Variants in KIRREL3 observed in about 807,000 individuals in gnomAD.
KIRREL3 encodes the protein kin of IRRE-like protein 3.
Under a neutral mutation model 89.7 loss-of-function variants are expected in KIRREL3, and 36 were observed. The ratio of observed to expected loss-of-function variants is 0.40; its 90% CI spans 0.31 to 0.53. KIRREL3 has a LOEUF of 0.53. Among genes scored for constraint, KIRREL3 ranks in the 20% least tolerant of loss-of-function variants. KIRREL3 has a pLI of 0.49. For synonymous variants in KIRREL3, 445 were observed against 441.4 expected, an observed-to-expected ratio of 1.01 and a Z score of -0.10; for missense variants, 864 against 1,056.6, an observed-to-expected ratio of 0.82 and a Z score of 2.53.
At chr11:126,679,067 G>T (rs1274242909) in intron 1 of KIRREL3, among the ~76,000 whole-genome samples, 2 of 152,142 alleles carry the variant, frequency 1.3e-5, no homozygotes, top group Non-Finnish European at 2.9e-5. Context: ...TGACAAAATG[G>T]CAAGTCACAT....
intron 1 of KIRREL3, among the ~76,000 whole-genome samples, chr11:126,657,877 G>A (rs901074017): frequency 2.6e-5 from 4 of 152,116 alleles, no homozygotes; most frequent in South Asian, 2.1e-4. Context: ...GCTATCTACC[G>A]GAAGAGACAA....
At chr11:126,979,293 G>T (rs888375624) in intron 1 of KIRREL3, among the ~76,000 whole-genome samples, 1 of 152,002 alleles carries the variant, frequency 6.6e-6, no homozygotes, top group Non-Finnish European at 1.5e-5. Flanking sequence ...TCAGCTAATC[G>T]GTTTAACATT....
chr11:126,954,202 C>A lies in KIRREL3; in HGVS notation c.55+46253G>T, dbSNP rs558031279. 2.0e-5 allele frequency among the ~76,000 whole-genome samples: 3 copies of A among 151,142 alleles called. No homozygotes were observed. The highest frequency in any genetic ancestry group is 2.0e-4 in the Admixed American group (3 of 15,174). ...TATAGGTAAGTACTGGAGGATGTAG[C>A]GTTAGCTGCTGCCTGGACTCAAGGA... On this transcript the variant is annotated intron_variant, in intron 1 of 16. Coordinates refer to ENST00000525144, the MANE Select transcript of KIRREL3 (RefSeq NM_032531.4). The surrounding 1 kb of genome is among the most constrained non-coding windows in gnomAD (Gnocchi z 4.1).
intron 1 of KIRREL3, among the ~76,000 whole-genome samples, chr11:126,707,708 A>G (rs1011225452): frequency 6.6e-6 from 1 of 152,052 alleles, no homozygotes; most frequent in Non-Finnish European, 1.5e-5. Flanking sequence ...AACTCATTCT[A>G]TTCCCCCTGT....
intron 1 of KIRREL3, among the ~76,000 whole-genome samples, chr11:126,717,384 C>T (rs761430722): frequency 1.3e-5 from 2 of 152,196 alleles, no homozygotes; most frequent in African/African-American, 4.8e-5. Flanking sequence ...TCTGAAGGTG[C>T]CACTGTTGTA....
At position 126,883,827 on chromosome 11, in the gene KIRREL3, A is replaced by C. The variant is rs1388750415; in HGVS notation, c.55+116628T>G. ...CAATGTTAGAAAGTATGTTATATTA[A>C]AAAATGGCCATCCTATATTACCCAG... On this transcript the variant is annotated intron_variant, in intron 1 of 16. Coordinates refer to ENST00000525144, the MANE Select transcript of KIRREL3 (RefSeq NM_032531.4). The surrounding 1 kb of genome is among the most constrained non-coding windows in gnomAD (Gnocchi z 4.1). Among the ~76,000 whole-genome samples the C allele has an allele frequency of 1.3e-5, 2 of 152,164 alleles. No individual in the cohort carries two copies. The highest frequency in any genetic ancestry group is 2.9e-5 in the Non-Finnish European group (2 of 68,042).
intron 1 of KIRREL3, among the ~76,000 whole-genome samples, chr11:126,882,340 T>C (rs1013844752): frequency 2.6e-5 from 4 of 152,236 alleles, no homozygotes; most frequent in African/African-American, 7.2e-5. Flanking sequence ...GGCAGAAGAA[T>C]GGGCCTACAT....
rs990355877 is a variant in KIRREL3, at chr11:126,879,110, A to G, written c.55+121345T>C. 6.6e-5 allele frequency among the ~76,000 whole-genome samples: 10 copies of G among 152,238 alleles called. No homozygotes were observed. The highest frequency in any genetic ancestry group is 2.2e-4 in the African/African-American group (9 of 41,460). On this transcript the variant is annotated intron_variant, in intron 1 of 16. Transcript: ENST00000525144. The surrounding 1 kb of genome is among the most constrained non-coding windows in gnomAD (Gnocchi z 5.4). ...TTACAATGGCATCTTTCTTCCCATC[A>G]CTGACAGCAAAGGGAGGAAATAGTC...
At chr11:126,589,052 C>G (rs1456914222) in intron 1 of KIRREL3, among the ~76,000 whole-genome samples, 1 of 152,228 alleles carries the variant, frequency 6.6e-6, no homozygotes, top group Non-Finnish European at 1.5e-5. Context: ...CACCCGCACA[C>G]TAGCTGCCTC....
chr11:126,868,831 C>T (rs1178561184), intron 1 of KIRREL3, among the ~76,000 whole-genome samples: 1 of 152,104 alleles, frequency 6.6e-6, no homozygotes, highest in Non-Finnish European at 1.5e-5. Flanking sequence ...AAGTCCAAGA[C>T]CAAGGCACTG....
rs556748505 is a variant in KIRREL3 at position 126,565,436 on chromosome 11, GA to G, written c.56-2525del. 1.1e-4 allele frequency among the ~76,000 whole-genome samples: 16 copies of G among 152,350 alleles called. No individual in the cohort carries two copies. The South Asian group carries it at 3.1e-3, about 30-fold the overall frequency. ...CTGATTAATAAAAGAAATTGAGAAT[GA>G]GGCAATTTCTCAATGTATTTGGCTC... On this transcript the variant is annotated intron_variant, in intron 1 of 16. Coordinates refer to ENST00000525144, the MANE Select transcript of KIRREL3 (RefSeq NM_032531.4). This position sits in a 1 kb window ranked among gnomAD's most constrained non-coding sequence, Gnocchi z 5.4.
intron 1 of KIRREL3, among the ~76,000 whole-genome samples, chr11:126,919,953 T>C (rs1252733769): frequency 6.6e-6 from 1 of 152,218 alleles, no homozygotes; most frequent in Admixed American, 6.5e-5. Flanking sequence ...ATGCTACTGC[T>C]AATTGTGTGC....
rs935543453 is a variant in KIRREL3 at position 126,474,449 on chromosome 11, G to A, written c.434-983C>T. 7.2e-5 allele frequency among the ~76,000 whole-genome samples: 11 copies of A among 152,312 alleles called. No homozygotes were observed. The highest frequency in any genetic ancestry group is 1.6e-4 in the Non-Finnish European group (11 of 68,026). On this transcript the variant is annotated intron_variant, in intron 4 of 16. Coordinates refer to ENST00000525144, the MANE Select transcript of KIRREL3 (RefSeq NM_032531.4). The surrounding 1 kb of genome is among the most constrained non-coding windows in gnomAD (Gnocchi z 6.7). ...CCAGGGAACCTGGGAGCACCAGGCC[G>A]GCCCCTTCCCTGGCAGGGAGCAGGG...
At chr11:126,573,329 C>T (rs549969435) in intron 1 of KIRREL3, among the ~76,000 whole-genome samples, 9 of 152,310 alleles carry the variant, frequency 5.9e-5, no homozygotes, top group South Asian at 2.1e-4. Flanking sequence ...CACACGTTTC[C>T]GCAGAGAGGA....
In KIRREL3 at chr11:126,623,100, A is replaced by C. The variant is rs1382680600; in HGVS notation, c.56-60188T>G. Reference sequence around the variant, plus strand: ...CACTAGTTATCTCACTGATTTTCCCAAGAGACTTTGGCTCCACTTTAGACA... The same window carrying C: ...CACTAGTTATCTCACTGATTTTCCCCAGAGACTTTGGCTCCACTTTAGACA... On this transcript the variant is annotated intron_variant, in intron 1 of 16. Transcript: ENST00000525144. This position sits in a 1 kb window ranked among gnomAD's most constrained non-coding sequence, Gnocchi z 4.1. Among the ~76,000 whole-genome samples the C allele has an allele frequency of 6.6e-6, 1 of 152,210 alleles. No homozygotes were observed. The highest frequency in any genetic ancestry group is 1.5e-5 in the Non-Finnish European group (1 of 68,040).
chr11:126,733,396 C>T (rs563473790), intron 1 of KIRREL3, among the ~76,000 whole-genome samples: 5 of 152,316 alleles, frequency 3.3e-5, no homozygotes, highest in Middle Eastern at 3.4e-3. Flanking sequence ...ATTCTCTTCC[C>T]CAGCCCTCTC....
intron 1 of KIRREL3, among the ~76,000 whole-genome samples, chr11:126,741,374 G>A (rs1948977464): frequency 6.6e-6 from 1 of 152,098 alleles, no homozygotes; most frequent in Admixed American, 6.5e-5. Flanking sequence ...TTTGTTCATA[G>A]TCTGTTGGCT....
rs1021851255 is a variant in KIRREL3, at chr11:126,995,701, G to A, written c.55+4754C>T. 6.6e-6 allele frequency among the ~76,000 whole-genome samples: 1 copy of A among 152,174 alleles called. No homozygotes were observed. Among genetic ancestry groups the A allele is most frequent in the Non-Finnish European group, 1.5e-5 (1 of 68,034 alleles). On this transcript the variant is annotated intron_variant, in intron 1 of 16. Coordinates refer to ENST00000525144, the MANE Select transcript of KIRREL3 (RefSeq NM_032531.4). The surrounding 1 kb of genome is among the most constrained non-coding windows in gnomAD (Gnocchi z 6.5). ...ACTCCACAAATCAAAGGTATCATTA[G>A]TATTGTTATTATTTTGCTATTGAAA...
Position 126,429,182 on chromosome 11 carries a change from C to T in KIRREL3, c.1803G>A (p.Leu601=). The part of the protein sequence containing the change: ...EGEEHSTIKQ[L]MMDRGEFQQD... ...TGGGGCGTAATTGCATTCTTACCAT[C>T]AGCTGCTTGATGGTGGAGTGCTCCT... The change falls in exon 15 of 17, where the codon CTG becomes CTA. Residue 601 remains leucine (L), a synonymous_variant. Coordinates refer to ENST00000525144, the MANE Select transcript of KIRREL3 (RefSeq NM_032531.4). This position sits in a 1 kb window ranked among gnomAD's most constrained non-coding sequence, Gnocchi z 5.2. 6.2e-7 allele frequency: 1 copy of T among 1,605,154 alleles called. No homozygotes were observed. The highest frequency in any genetic ancestry group is 8.5e-7 in the Non-Finnish European group (1 of 1,171,970).
Sources: allele counts gnomAD v4.1 joint callset (sites outside exome capture counted in the v4.1 genomes callset), GRCh38; gene constraint gnomAD v4.1.1; non-coding constraint Gnocchi (gnomAD v3.1); transcripts MANE v1.5; gene names NCBI Gene and HGNC (gene_info 2026-07-23, HGNC 2026-07-21).